Variants in PLEKHA5 observed in about 807,000 individuals in gnomAD.
PLEKHA5 encodes the protein pleckstrin homology domain containing A5.
A neutral mutation model predicts 181.9 loss-of-function variants in PLEKHA5; 55 were observed. That is an observed-to-expected ratio of 0.30 (90% CI 0.24 to 0.38). PLEKHA5 has a LOEUF of 0.38. Among genes scored for constraint, PLEKHA5 ranks in the 10% least tolerant of loss-of-function variants. The probability of loss-of-function intolerance (pLI) is 1.00; values close to 1 mark genes in which losing one functional copy is unlikely to be tolerated. For missense variants in PLEKHA5, 1,432 were observed against 1,549.5 expected (o/e 0.92, Z 1.27); for synonymous variants, 535 against 529.4 (o/e 1.01, Z -0.15).
intron 3 of PLEKHA5, among the ~76,000 whole-genome samples, chr12:19,159,287 C>CA (rs961698294): frequency 6.6e-6 from 1 of 151,956 alleles, no homozygotes; most frequent in Non-Finnish European, 1.5e-5. Context: ...ATCTGGATCC[C>CA]AAAAGAAGTA....
chr12:19,219,812 G>A (rs1322925672), intron 3 of PLEKHA5, among the ~76,000 whole-genome samples: 1 of 151,974 alleles, frequency 6.6e-6, no homozygotes, highest in African/African-American at 2.4e-5. Context: ...TATATAATTG[G>A]TTTTGGTGTG....
intron 3 of PLEKHA5, among the ~76,000 whole-genome samples, chr12:19,167,915 C>T (rs1204757847): frequency 6.6e-6 from 1 of 152,036 alleles, no homozygotes; most frequent in Non-Finnish European, 1.5e-5. Flanking sequence ...TAAGTCACCC[C>T]TGGTAGTATG....
intron 15 of PLEKHA5, among the ~76,000 whole-genome samples, chr12:19,313,599 G>GT (rs909508096): frequency 2.4e-4 from 36 of 148,980 alleles, no homozygotes; most frequent in Admixed American, 8.7e-4. Context: ...CTTCAGTGAA[G>GT]TTTTTTTTTT....
chr12:19,334,829 A>ATATAT (rs1555165772), intron 20 of PLEKHA5, among the ~76,000 whole-genome samples: 7 of 18,600 alleles, frequency 3.8e-4, no homozygotes, highest in African/African-American at 7.3e-4. Context: ...AAAAAAAAAA[A>ATATAT]ATATATATAT....
chr12:19,230,002 C>T (rs571362702), intron 3 of PLEKHA5, among the ~76,000 whole-genome samples: 2 of 151,948 alleles, frequency 1.3e-5, no homozygotes, highest in South Asian at 4.2e-4. Flanking sequence ...TTTACAATCC[C>T]TTAGGTAGAC....
chr12:19,309,615 A>G (rs913021738), intron 15 of PLEKHA5, among the ~76,000 whole-genome samples: 1 of 151,888 alleles, frequency 6.6e-6, no homozygotes, highest in Non-Finnish European at 1.5e-5. Flanking sequence ...AATTACTGGT[A>G]GGCGCCTGTA....
intron 15 of PLEKHA5, among the ~76,000 whole-genome samples, chr12:19,310,137 A>G (rs532617872): frequency 2.0e-5 from 3 of 152,310 alleles, no homozygotes; most frequent in Non-Finnish European, 4.4e-5. Context: ...GAATTAAAGT[A>G]AGAAGCAAAG....
intron 3 of PLEKHA5, among the ~76,000 whole-genome samples, chr12:19,179,486 C>G (rs1050881146): frequency 6.6e-6 from 1 of 151,934 alleles, no homozygotes; most frequent in African/African-American, 2.4e-5. Context: ...GAGCGAAAGC[C>G]CGTCTTTACT....
chr12:19,313,378 A>AT (rs1334891151), intron 15 of PLEKHA5, among the ~76,000 whole-genome samples: 3 of 152,136 alleles, frequency 2.0e-5, no homozygotes, highest in Non-Finnish European at 2.9e-5. Context: ...ACACTTAAGA[A>AT]TTTTTTGTTT....
At chr12:19,312,968 G>A (rs1459880980) in intron 15 of PLEKHA5, among the ~76,000 whole-genome samples, 2 of 152,256 alleles carry the variant, frequency 1.3e-5, no homozygotes, top group South Asian at 4.1e-4. Context: ...CCATTGTAGG[G>A]TTATTAATTG....
intron 3 of PLEKHA5, among the ~76,000 whole-genome samples, chr12:19,220,900 C>T (rs1459495949): frequency 6.6e-6 from 1 of 151,292 alleles, no homozygotes; most frequent in Non-Finnish European, 1.5e-5. Flanking sequence ...AATGAACATG[C>T]AAAAAAAATG....
At chr12:19,163,578 C>T (rs1234321228) in intron 3 of PLEKHA5, among the ~76,000 whole-genome samples, 4 of 152,134 alleles carry the variant, frequency 2.6e-5, no homozygotes, top group Admixed American at 6.5e-5. Flanking sequence ...ATGTTATCCC[C>T]GCTGTCCATC....
chr12:19,354,488 T>TG (rs1443125236), intron 26 of PLEKHA5, among the ~76,000 whole-genome samples: 1 of 144,042 alleles, frequency 6.9e-6, no homozygotes, highest in South Asian at 2.2e-4. Flanking sequence ...AAAAATTGTT[T>TG]TTTTTTTTTT....
chr12:19,141,717 GC>G (rs776394207), intron 3 of PLEKHA5, among the ~76,000 whole-genome samples: 1 of 152,196 alleles, frequency 6.6e-6, no homozygotes, highest in Non-Finnish European at 1.5e-5. Context: ...TCCTAGATTG[GC>G]TGTCCTGAGC....
At chr12:19,346,910 A>T in intron 23 of PLEKHA5, 84 bp from the exon 24 acceptor site, 1 of 850,916 alleles carries the variant, frequency 1.2e-6, no homozygotes, top group Non-Finnish European at 1.7e-6. Context: ...AAGTAAATTT[A>T]AGTTAATATA....
chr12:19,195,388 C>CT (rs2152001550), intron 3 of PLEKHA5, among the ~76,000 whole-genome samples: 1 of 6,878 alleles, frequency 1.5e-4, no homozygotes, highest in South Asian at 2.8e-3. Context: ...ATATAAAGTA[C>CT]GGGTGAGTGA....
At chr12:19,214,906 G>A (rs890065294) in intron 3 of PLEKHA5, among the ~76,000 whole-genome samples, 4 of 152,188 alleles carry the variant, frequency 2.6e-5, no homozygotes, top group South Asian at 2.1e-4. Flanking sequence ...GGCTGGGTGC[G>A]GTGGCTCATG....
intron 3 of PLEKHA5, among the ~76,000 whole-genome samples, chr12:19,202,923 A>G (rs1182513703): frequency 1.3e-5 from 2 of 152,132 alleles, no homozygotes; most frequent in Non-Finnish European, 2.9e-5. Context: ...CAGTTGTCAT[A>G]GAAGTGAGTT....
At chr12:19,218,076 C>T (rs952100356) in intron 3 of PLEKHA5, among the ~76,000 whole-genome samples, 3 of 152,102 alleles carry the variant, frequency 2.0e-5, no homozygotes, top group Non-Finnish European at 4.4e-5. Context: ...TGAGAGAAGA[C>T]GTCAGATGAT....
Sources: allele counts gnomAD v4.1 joint callset (sites outside exome capture counted in the v4.1 genomes callset), GRCh38; gene constraint gnomAD v4.1.1; transcripts MANE v1.5; gene names NCBI Gene and HGNC (gene_info 2026-07-23, HGNC 2026-07-21).